The following CDH12 variants were observed in gnomAD, a reference collection of about 807,000 sequenced individuals.
CDH12 encodes the protein cadherin-12.
CDH12 carries 41 observed loss-of-function variants against 74.1 expected under a neutral mutation model. The ratio of observed to expected loss-of-function variants is 0.55; its 90% confidence interval spans 0.43 to 0.72. CDH12 has a LOEUF of 0.72. Ranked by LOEUF, CDH12 falls within the 30% of genes least tolerant of loss-of-function variation. The probability of loss-of-function intolerance (pLI) is 0.00; values close to 1 mark genes in which losing one functional copy is unlikely to be tolerated. For missense variants in CDH12, 945 were observed against 977.2 expected (o/e 0.97, Z 0.44); for synonymous variants, 399 against 355.0 (o/e 1.12, Z -1.39).
intron 4 of CDH12, among the ~76,000 whole-genome samples, chr5:22,129,834 ATAATCAC>A (rs1337586396): frequency 6.6e-6 from 1 of 152,100 alleles, no homozygotes; most frequent in Non-Finnish European, 1.5e-5. Flanking sequence ...GGGCATAATT[ATAATCAC>A]TAAGACTAAT....
At chr5:22,389,030 G>T (rs1210032327) in intron 3 of CDH12, among the ~76,000 whole-genome samples, 3 of 152,136 alleles carry the variant, frequency 2.0e-5, no homozygotes, top group Non-Finnish European at 2.9e-5. Context: ...GGCAAACAAG[G>T]TTCTTTGTCA....
At chr5:22,079,651 T>C (rs1742582890) in intron 4 of CDH12, among the ~76,000 whole-genome samples, 1 of 152,152 alleles carries the variant, frequency 6.6e-6, no homozygotes, top group Non-Finnish European at 1.5e-5. Flanking sequence ...AGACGTTGTG[T>C]AGCTCAGAGA....
At chr5:22,297,820 C>T (rs927653892) in intron 3 of CDH12, among the ~76,000 whole-genome samples, 3 of 152,004 alleles carry the variant, frequency 2.0e-5, no homozygotes, top group Admixed American at 6.6e-5. Flanking sequence ...TTCTGAACTC[C>T]ATCTTTTATT....
In CDH12 at chr5:22,040,470, G is replaced by A. The variant is rs536640582; in HGVS notation, c.231+37976C>T. ...ATGTGAAGCTTGAAAGTCCCATATA[G>A]TTTCAACCCAAAGAGGTCTTCACTG... On this transcript the variant is annotated intron_variant, in intron 5 of 14. Coordinates refer to ENST00000382254, the MANE Select transcript of CDH12 (RefSeq NM_004061.5). 2.1e-4 allele frequency among the ~76,000 whole-genome samples: 32 copies of A among 152,280 alleles called. 1 individual carries two copies. In the South Asian group the frequency reaches 5.6e-3, roughly 27 times the overall value.
chr5:22,133,784 T>C (rs1249009023), intron 4 of CDH12, among the ~76,000 whole-genome samples: 3 of 148,142 alleles, frequency 2.0e-5, no homozygotes, highest in Admixed American at 2.0e-4. Flanking sequence ...CCCTTGTTGA[T>C]GGTGAACAGT....
At chr5:22,712,764 T>C (rs920720248) in intron 1 of CDH12, among the ~76,000 whole-genome samples, 1 of 152,154 alleles carries the variant, frequency 6.6e-6, no homozygotes, top group Non-Finnish European at 1.5e-5. Context: ...TGTCACAAAA[T>C]GTATAAGAGG....
At chr5:22,127,003 A>AC (rs1409812507) in intron 4 of CDH12, among the ~76,000 whole-genome samples, 3 of 152,220 alleles carry the variant, frequency 2.0e-5, no homozygotes, top group Non-Finnish European at 4.4e-5. Flanking sequence ...TAAAAGAGGG[A>AC]CTTCTGGCTA....
At chr5:21,811,855 C>T (rs140789511) in intron 9 of CDH12, among the ~76,000 whole-genome samples, 11 of 151,800 alleles carry the variant, frequency 7.2e-5, no homozygotes, top group East Asian at 5.8e-4. Flanking sequence ...CCTCTGAATT[C>T]GAAGTGTCAC....
intron 1 of CDH12, among the ~76,000 whole-genome samples, chr5:22,747,512 T>C (rs1388934066): frequency 1.4e-5 from 2 of 146,224 alleles, no homozygotes; most frequent in Non-Finnish European, 3.0e-5. Flanking sequence ...TGTGTGCCTG[T>C]AGTCCAAGTT....
chr5:22,437,255 T>TATACAAAATATATCA, intron 2 of CDH12, among the ~76,000 whole-genome samples: 2 of 152,010 alleles, frequency 1.3e-5, no homozygotes, highest in South Asian at 4.1e-4. Flanking sequence ...AATGTTGAAA[T>TATACAAAATATATCA]AATTTTATCT....
chr5:22,124,768 C>T (rs1169905372), intron 4 of CDH12, among the ~76,000 whole-genome samples: 1 of 152,152 alleles, frequency 6.6e-6, no homozygotes, highest in Non-Finnish European at 1.5e-5. Context: ...TGTATGGAGG[C>T]ATTTTTTATT....
chr5:22,326,478 G>T (rs534199671), intron 3 of CDH12, among the ~76,000 whole-genome samples: 1 of 152,156 alleles, frequency 6.6e-6, no homozygotes, highest in African/African-American at 2.4e-5. Context: ...CTCGTGATCC[G>T]ACCGCCTCGG....
At chr5:21,802,508 T>C in intron 9 of CDH12, 88 bp from the exon 10 acceptor site, 1 of 1,062,412 alleles carries the variant, frequency 9.4e-7, no homozygotes, top group East Asian at 2.4e-5. Context: ...AATTTGCAAG[T>C]TATTATCAAT....
rs529562683 is a variant in CDH12 at position 22,506,970 on chromosome 5, C to T, written c.-522-1606G>A. ...ATTTTTCATTTCTTTATGAAATGCT[C>T]CTCTCTCAGTAATATATCAAGAGTG... On this transcript the variant is annotated intron_variant, in intron 1 of 14. Coordinates refer to ENST00000382254, the MANE Select transcript of CDH12 (RefSeq NM_004061.5). 5.3e-5 allele frequency among the ~76,000 whole-genome samples: 8 copies of T among 152,156 alleles called. No homozygotes were observed. The South Asian group carries it at 1.7e-3, about 32-fold the overall frequency.
intron 1 of CDH12, among the ~76,000 whole-genome samples, chr5:22,848,027 G>T (rs1246187988): frequency 4.6e-5 from 7 of 152,084 alleles, no homozygotes; most frequent in Non-Finnish European, 7.4e-5. Flanking sequence ...GGGATGAAAG[G>T]TGTGCACCAC....
chr5:22,486,073 G>A (rs1424587042), intron 2 of CDH12, among the ~76,000 whole-genome samples: 1 of 152,164 alleles, frequency 6.6e-6, no homozygotes, highest in Non-Finnish European at 1.5e-5. Context: ...CTGCTGCCCC[G>A]TGCCTGCCCT....
intron 11 of CDH12, among the ~76,000 whole-genome samples, chr5:21,770,823 A>G (rs761020182): frequency 2.8e-4 from 43 of 152,238 alleles, no homozygotes; most frequent in Non-Finnish European, 4.7e-4. Context: ...ATGTCCATCA[A>G]TGGTAGACTG....
intron 1 of CDH12, among the ~76,000 whole-genome samples, chr5:22,534,093 T>C (rs1737715558): frequency 6.6e-6 from 1 of 152,208 alleles, no homozygotes; most frequent in Non-Finnish European, 1.5e-5. Context: ...GATGTGCTCT[T>C]ATGTTAAGAA....
intron 3 of CDH12, among the ~76,000 whole-genome samples, chr5:22,326,044 T>G (rs3112480): frequency 1.3e-5 from 2 of 152,174 alleles, no homozygotes; most frequent in Non-Finnish European, 2.9e-5. Context: ...AATCTAATTA[T>G]AAGAGGTCAA....
Sources: allele counts gnomAD v4.1 joint callset (sites outside exome capture counted in the v4.1 genomes callset), GRCh38; gene constraint gnomAD v4.1.1; transcripts MANE v1.5; gene names NCBI Gene and HGNC (gene_info 2026-07-23, HGNC 2026-07-21).